Variants in CGAS observed in about 807,000 individuals in gnomAD.
The protein encoded by CGAS is cyclic GMP-AMP synthase.
In CGAS, 31 loss-of-function variants were observed where a neutral mutation model predicts 34.0. The observed-to-expected ratio is 0.91, with a 90% CI of 0.69 to 1.23. CGAS has a LOEUF of 1.23. Ranked by LOEUF, CGAS falls within the 50% of genes most tolerant of loss-of-function variation. The pLI is 0.00. For synonymous variants in CGAS, 266 were observed against 260.0 expected, an observed-to-expected ratio of 1.02 and a Z score of -0.22; for missense variants, 597 against 657.6, an observed-to-expected ratio of 0.91 and a Z score of 1.01.
At chr6:73,451,449 AC>A in intron 1 of CGAS, 75 bp downstream of exon 1, 1 of 1,438,272 alleles carries the variant, frequency 7.0e-7, no homozygotes, top group Non-Finnish European at 9.3e-7. Flanking sequence ...GAGGGGCGCG[AC>A]CCGGGGAAGG....
intron 3 of CGAS, among the ~76,000 whole-genome samples, chr6:73,438,891 G>T (rs1273438365): frequency 6.6e-6 from 1 of 152,088 alleles, no homozygotes; most frequent in Non-Finnish European, 1.5e-5. Flanking sequence ...TCTAAAAATT[G>T]TTCAGTTTGC....
rs139771250 is a variant in CGAS, at chr6:73,426,621, C to T, written c.1218-1043G>A. Among the ~76,000 whole-genome samples the T allele has an allele frequency of 4.7e-3, 713 of 151,482 alleles. 6 individuals are homozygous for T. The highest frequency in any genetic ancestry group is 0.016 in the African/African-American group (677 of 41,370). On this transcript the variant is annotated intron_variant, in intron 4 of 4. Transcript: ENST00000370315. ...GCAACCTCTGACCCTCCCCTCACCC[C>T]CCTCAAGCGATCCAAAATCTTGTTT...
At position 73,451,525 on chromosome 6, in the gene CGAS, CT is replaced by C; in HGVS notation, c.656del (p.Lys219ArgfsTer21). On this transcript the variant is annotated frameshift_variant and splice_region_variant, in exon 1 of 5. Transcript: ENST00000370315. LOFTEE classifies it high-confidence loss of function. ...LNTGSYYEHV[K>X]ISAPNEFDVM... is the part of the protein sequence containing the mutation. ...GGCGGGAGGGCGCCAAGCAGCTCAC[CT>C]TCACGTGCTCATAGTAGCTCCCGGT... is the stretch of plus-strand genomic sequence containing the variant. 6.4e-7 allele frequency: 1 copy of C among 1,551,850 alleles called. No individual in the cohort carries two copies. Among genetic ancestry groups the C allele is most frequent in the Non-Finnish European group, 8.7e-7 (1 of 1,146,242 alleles).
chr6:73,436,541 G>T (rs1770283065), intron 3 of CGAS, among the ~76,000 whole-genome samples: 1 of 97,976 alleles, frequency 1.0e-5, no homozygotes, highest in Non-Finnish European at 2.1e-5. Context: ...CTTTGTTTTT[G>T]AGACAGGGTC....
intron 1 of CGAS, among the ~76,000 whole-genome samples, chr6:73,449,508 C>CACACACACACACACA (rs569310062): frequency 2.7e-5 from 4 of 150,504 alleles, no homozygotes; most frequent in East Asian, 2.0e-4. Flanking sequence ...CACACACACA[C>CACACACACACACACA]AAAGTGGTTC....
intron 3 of CGAS, among the ~76,000 whole-genome samples, chr6:73,439,107 A>G (rs1419687116): frequency 6.6e-6 from 1 of 152,128 alleles, no homozygotes; most frequent in African/African-American, 2.4e-5. Flanking sequence ...AGCAATACTC[A>G]TTTATAACTT....
At chr6:73,436,255 T>C (rs2150812319) in intron 3 of CGAS, among the ~76,000 whole-genome samples, 1 of 151,996 alleles carries the variant, frequency 6.6e-6, no homozygotes, top group East Asian at 1.9e-4. Flanking sequence ...ATAAAATACA[T>C]TGGTACAATA....
intron 3 of CGAS, among the ~76,000 whole-genome samples, chr6:73,429,634 G>A (rs544738782): frequency 1.3e-4 from 20 of 151,426 alleles, no homozygotes; most frequent in Admixed American, 6.6e-4. Context: ...AGACCATCCT[G>A]GCTAACACAG....
chr6:73,429,813 A>G lies in CGAS; in HGVS notation c.1115-1002T>C, dbSNP rs1249794972. On this transcript the variant is annotated intron_variant, in intron 3 of 4. Transcript: ENST00000370315. Reference sequence around the variant, plus strand: ...TGCACTCCAGCCTGGGCAACAGCACAAGACTCTGTCTCAAAAAAAAAAAAT... The same window carrying G: ...TGCACTCCAGCCTGGGCAACAGCACGAGACTCTGTCTCAAAAAAAAAAAAT... Among the ~76,000 whole-genome samples, 9 of 151,914 alleles carry G rather than the reference A, an allele frequency of 5.9e-5. No individual in the cohort carries two copies. In the East Asian group the frequency reaches 1.4e-3, roughly 23 times the overall value.
At chr6:73,442,562 G>C (rs1029202063) in intron 2 of CGAS, among the ~76,000 whole-genome samples, 5 of 149,484 alleles carry the variant, frequency 3.3e-5, no homozygotes, top group Admixed American at 3.3e-4. Context: ...CACCACTCCT[G>C]GCTAATTAAA....
At position 73,445,610 on chromosome 6, in the gene CGAS, A is replaced by T; in HGVS notation, c.795T>A (p.Phe265Leu). The part of the protein sequence containing the change: ...RNPKENPLSQ[F>L]LEGEILSASK... ...AAGCTGATAATATTTCACCTTCTAA[A>T]AACTGACTCAGAGGATTTTCTTTCG... The change falls in exon 2 of 5, where the codon TTT becomes TTA. Residue 265 changes from phenylalanine (F) to leucine (L), a missense_variant. Physicochemically the swap from Phe to Leu is conservative, Grantham distance 22. Transcript: ENST00000370315. 6.2e-7 allele frequency: 1 copy of T among 1,612,542 alleles called. No individual in the cohort carries two copies. The highest frequency in any genetic ancestry group is 8.5e-7 in the Non-Finnish European group (1 of 1,179,474).
At chr6:73,442,897 T>TA (rs1770407330) in intron 2 of CGAS, among the ~76,000 whole-genome samples, 2 of 151,874 alleles carry the variant, frequency 1.3e-5, no homozygotes. Context: ...ATACCTGGCC[T>TA]AAAATTTTTT....
chr6:73,451,436 A>C (rs1770562964), intron 1 of CGAS, 89 bp downstream of exon 1: 4 of 1,365,714 alleles, frequency 2.9e-6, no homozygotes, highest in Non-Finnish European at 3.9e-6. Flanking sequence ...TCCGAAGGGA[A>C]GTGAGGGGCG....
chr6:73,448,636 C>T (rs1770508287), intron 1 of CGAS, among the ~76,000 whole-genome samples: 1 of 152,014 alleles, frequency 6.6e-6, no homozygotes, highest in South Asian at 2.1e-4. Flanking sequence ...CCTGTGTGTG[C>T]CACCACATCC....
At chr6:73,436,465 T>A (rs534425239) in intron 3 of CGAS, among the ~76,000 whole-genome samples, 138 of 101,490 alleles carry the variant, frequency 1.4e-3, no homozygotes, top group African/African-American at 4.8e-3. Context: ...TGTATATAAT[T>A]TATATTATAT....
In CGAS at chr6:73,425,364, C is replaced by A; in HGVS notation, c.1432G>T (p.Glu478Ter). 1 of 1,612,024 alleles carries A rather than the reference C, an allele frequency of 6.2e-7. No individual in the cohort carries two copies. Among genetic ancestry groups the A allele is most frequent in the Non-Finnish European group, 8.5e-7 (1 of 1,179,660 alleles). Residue 478 changes from glutamate to a stop codon, truncating the protein, a stop_gained, in exon 5 of 5, where the codon GAA (glutamate) becomes TAA (stop). Transcript: ENST00000370315. LOFTEE classifies it high-confidence loss of function. Reference protein sequence around the residue: ...VTYFLQCLRTEKLENYFIPEF... With the variant: ...VTYFLQCLRT Reference sequence around the variant, plus strand: ...GGAATAAAATAATTCTCAAGTTTTTCTGTCCTGAGGCACTGAAGAAAGTAT... The same window carrying A: ...GGAATAAAATAATTCTCAAGTTTTTATGTCCTGAGGCACTGAAGAAAGTAT...
At chr6:73,432,360 C>G (rs1770208228) in intron 3 of CGAS, among the ~76,000 whole-genome samples, 1 of 151,978 alleles carries the variant, frequency 6.6e-6, no homozygotes, top group African/African-American at 2.4e-5. Flanking sequence ...GGGGTTTCAC[C>G]ATGTTGGCCA....
At chr6:73,429,559 G>T (rs556577192) in intron 3 of CGAS, among the ~76,000 whole-genome samples, 4 of 152,272 alleles carry the variant, frequency 2.6e-5, no homozygotes, top group South Asian at 2.1e-4. Context: ...GGGCGCGGTG[G>T]CTCACGCCTG....
intron 1 of CGAS, among the ~76,000 whole-genome samples, chr6:73,448,285 C>T (rs1310313028): frequency 6.6e-6 from 1 of 151,932 alleles, no homozygotes; most frequent in Admixed American, 6.6e-5. Context: ...CCCAGCTACT[C>T]GGGAGGCTGA....
Sources: allele counts gnomAD v4.1 joint callset (sites outside exome capture counted in the v4.1 genomes callset), GRCh38; gene constraint gnomAD v4.1.1; transcripts MANE v1.5; gene names NCBI Gene and HGNC (gene_info 2026-07-23, HGNC 2026-07-21).